The following TSHZ2 variants were observed in gnomAD, a reference collection of about 807,000 sequenced individuals.
TSHZ2 encodes the protein teashirt homolog 2.
Under a neutral mutation model 74.4 loss-of-function variants are expected in TSHZ2, and 21 were observed. The observed-to-expected ratio is 0.28, with a 90% CI of 0.20 to 0.41. The LOEUF (loss-of-function observed/expected upper bound fraction) is 0.41. Ranked by LOEUF, TSHZ2 falls within the 10% of genes least tolerant of loss-of-function variation. TSHZ2 has a pLI of 1.00. For missense variants in TSHZ2, 1,244 were observed against 1,293.5 expected (o/e 0.96, Z 0.59); for synonymous variants, 540 against 515.3 (o/e 1.05, Z -0.65).
chr20:53,105,497 G>A lies in TSHZ2; in HGVS notation c.40+132164G>A, dbSNP rs538453624. ...CCCTGTTGACAACAATGACTTTAAA[G>A]ATAACTTGGCGCCTTCAGAAAAGTT... On this transcript the variant is annotated intron_variant, in intron 1 of 2. Transcript: ENST00000371497. Among the ~76,000 whole-genome samples, 119 of 152,260 alleles carry A rather than the reference G, an allele frequency of 7.8e-4. 1 individual carries two copies. Among genetic ancestry groups the A allele is most frequent in the African/African-American group, 2.8e-3 (117 of 41,554 alleles).
At chr20:53,119,992 A>T (rs946032088) in intron 1 of TSHZ2, among the ~76,000 whole-genome samples, 1 of 152,194 alleles carries the variant, frequency 6.6e-6, no homozygotes, top group Admixed American at 6.5e-5. Flanking sequence ...TTTGTTTTTA[A>T]TAAGGCCCTC....
intron 1 of TSHZ2, among the ~76,000 whole-genome samples, chr20:53,199,421 C>A (rs1988946818): frequency 6.6e-6 from 1 of 152,094 alleles, no homozygotes; most frequent in African/African-American, 2.4e-5. Flanking sequence ...TTGCAGTGAG[C>A]CAAGATTGTG....
chr20:52,997,454 G>A (rs1472914499), intron 1 of TSHZ2, among the ~76,000 whole-genome samples: 1 of 152,138 alleles, frequency 6.6e-6, no homozygotes, highest in Non-Finnish European at 1.5e-5. Flanking sequence ...GATTGAATAT[G>A]AGACGAATTC....
At chr20:53,045,190 C>T (rs916951709) in intron 1 of TSHZ2, among the ~76,000 whole-genome samples, 6 of 152,184 alleles carry the variant, frequency 3.9e-5, no homozygotes, top group Non-Finnish European at 5.9e-5. Flanking sequence ...CCATCTGACA[C>T]CAGCATGGCC....
At position 53,106,912 on chromosome 20, in the gene TSHZ2, G is replaced by A. The variant is rs139041421; in HGVS notation, c.40+133579G>A. Among the ~76,000 whole-genome samples the A allele has an allele frequency of 3.9e-3, 594 of 151,732 alleles. 3 individuals are homozygous for A. Among genetic ancestry groups the A allele is most frequent in the Non-Finnish European group, 6.2e-3 (420 of 67,948 alleles). On this transcript the variant is annotated intron_variant, in intron 1 of 2. Transcript: ENST00000371497. ...GGAGTTTCACCTTATTGGCCGGGGT[G>A]ATCTTGAACTCCTGACCTCAAGTGA...
intron 1 of TSHZ2, among the ~76,000 whole-genome samples, chr20:53,227,114 A>G (rs1489903999): frequency 1.3e-5 from 2 of 151,506 alleles, no homozygotes; most frequent in South Asian, 2.1e-4. Flanking sequence ...CTCCAGGCCT[A>G]TTTCTGTAAA....
chr20:53,047,823 A>G (rs1365180602), intron 1 of TSHZ2, among the ~76,000 whole-genome samples: 2 of 152,178 alleles, frequency 1.3e-5, no homozygotes, highest in Non-Finnish European at 2.9e-5. Flanking sequence ...ACATCAAAAT[A>G]GGTTCCATGC....
chr20:53,180,045 A>G (rs1366758433), intron 1 of TSHZ2, among the ~76,000 whole-genome samples: 1 of 152,246 alleles, frequency 6.6e-6, no homozygotes, highest in Non-Finnish European at 1.5e-5. Flanking sequence ...ACTGTCATTT[A>G]TAGAATGTCG....
At chr20:53,425,610 G>T (rs919631210) in intron 2 of TSHZ2, among the ~76,000 whole-genome samples, 7 of 152,200 alleles carry the variant, frequency 4.6e-5, no homozygotes, top group Admixed American at 3.3e-4. Context: ...GTTCTCTAAA[G>T]AGCCAGATGG....
At chr20:53,384,359 A>G (rs1034314141) in intron 2 of TSHZ2, among the ~76,000 whole-genome samples, 26 of 152,250 alleles carry the variant, frequency 1.7e-4, no homozygotes, top group African/African-American at 6.3e-4. Context: ...GAACGAAGCC[A>G]TTCACTTTTA....
chr20:53,330,811 G>A (rs1409598925), intron 2 of TSHZ2, among the ~76,000 whole-genome samples: 1 of 152,216 alleles, frequency 6.6e-6, no homozygotes, highest in African/African-American at 2.4e-5. Context: ...GGTGACGTTC[G>A]GTTTATTCAA....
intron 2 of TSHZ2, among the ~76,000 whole-genome samples, chr20:53,430,017 T>C (rs1487975282): frequency 6.6e-6 from 1 of 152,118 alleles, no homozygotes; most frequent in African/African-American, 2.4e-5. Flanking sequence ...TTCCAAATGT[T>C]CTCTGAGGGA....
chr20:53,012,693 C>A (rs540618808), intron 1 of TSHZ2, among the ~76,000 whole-genome samples: 26 of 152,244 alleles, frequency 1.7e-4, no homozygotes, highest in African/African-American at 6.3e-4. Context: ...TGCACACATA[C>A]ATGCACACCT....
intron 2 of TSHZ2, among the ~76,000 whole-genome samples, chr20:53,436,539 A>ATTTTTTTTTTTTT (rs1368192791): frequency 7.8e-5 from 7 of 90,030 alleles, no homozygotes; most frequent in African/African-American, 1.4e-4. Context: ...TATTATTATT[A>ATTTTTTTTTTTTT]TTATTATTAT....
chr20:53,344,613 T>G (rs1369355420), intron 2 of TSHZ2, among the ~76,000 whole-genome samples: 2 of 152,152 alleles, frequency 1.3e-5, no homozygotes, highest in Admixed American at 1.3e-4. Flanking sequence ...CACAAAATAG[T>G]GCCCTAGTGG....
intron 2 of TSHZ2, among the ~76,000 whole-genome samples, chr20:53,259,298 G>T (rs1436759753): frequency 2.0e-5 from 3 of 152,196 alleles, no homozygotes; most frequent in Non-Finnish European, 2.9e-5. Context: ...CACAACTTTT[G>T]ATCTGAATTT....
intron 2 of TSHZ2, among the ~76,000 whole-genome samples, chr20:53,466,592 G>A (rs568342568): frequency 3.9e-5 from 6 of 152,282 alleles, no homozygotes; most frequent in East Asian, 3.9e-4. Context: ...TGGAGTATAC[G>A]AATGTGGCTC....
At chr20:53,375,610 A>G (rs1226751280) in intron 2 of TSHZ2, among the ~76,000 whole-genome samples, 1 of 152,126 alleles carries the variant, frequency 6.6e-6, no homozygotes, top group Non-Finnish European at 1.5e-5. Flanking sequence ...TGCTGAAGCC[A>G]CACCAGGGAA....
chr20:53,216,815 C>T (rs1293039000), intron 1 of TSHZ2, among the ~76,000 whole-genome samples: 2 of 152,194 alleles, frequency 1.3e-5, no homozygotes, highest in South Asian at 2.1e-4. Context: ...AATTTGTCTA[C>T]ATCTTGCTGG....
Sources: gnomAD v4.1 joint callset for allele counts (sites outside exome capture counted in the v4.1 genomes callset) on GRCh38, gnomAD v4.1.1 for gene constraint, MANE v1.5 for transcripts, NCBI Gene and HGNC (gene_info 2026-07-23, HGNC 2026-07-21) for gene names.